Variants in TTC7B observed in about 807,000 individuals in gnomAD.
TTC7B encodes tetratricopeptide repeat protein 7B.
Under a neutral mutation model 106.8 loss-of-function variants are expected in TTC7B, and 28 were observed. The ratio of observed to expected loss-of-function variants is 0.26; its 90% CI spans 0.19 to 0.36. TTC7B has a LOEUF of 0.36. Ranked by LOEUF, TTC7B falls within the 10% of genes least tolerant of loss-of-function variation. The pLI, the probability that TTC7B is intolerant of heterozygous loss-of-function variation, is 1.00. For synonymous variants in TTC7B, 405 were observed against 430.6 expected (o/e 0.94, Z 0.74); for missense variants, 862 against 1,076.4 (o/e 0.80, Z 2.79).
At chr14:90,713,139 G>A (rs1005503337) in intron 5 of TTC7B, among the ~76,000 whole-genome samples, 6 of 151,558 alleles carry the variant, frequency 4.0e-5, no homozygotes, top group South Asian at 2.1e-4. Flanking sequence ...TTTTTGAGAC[G>A]GAGACTCATT....
Position 90,808,333 on chromosome 14 carries a change from C to A in TTC7B, c.121+7842G>T, listed in dbSNP as rs2030718657. On this transcript the variant is annotated intron_variant, in intron 1 of 19. Coordinates refer to ENST00000328459, the MANE Select transcript of TTC7B (RefSeq NM_001010854.2). This position sits in a 1 kb window ranked among gnomAD's most constrained non-coding sequence, Gnocchi z 4.2. ...AAGACAGAGAGAGACCCAAGAAATG[C>A]AGTTCATTCTTCTTCCCTGCTAGCA... Among the ~76,000 whole-genome samples the A allele has an allele frequency of 6.6e-6, 1 of 152,192 alleles. No individual in the cohort carries two copies. Among genetic ancestry groups the A allele is most frequent in the South Asian group, 2.1e-4 (1 of 4,830 alleles).
intron 17 of TTC7B, among the ~76,000 whole-genome samples, chr14:90,602,625 C>T (rs1338283578): frequency 1.3e-5 from 2 of 151,672 alleles, no homozygotes; most frequent in African/African-American, 4.9e-5. Context: ...CACTTGAGCC[C>T]TGGGGTTCCA....
chr14:90,608,229 G>A lies in TTC7B; in HGVS notation c.1966+2513C>T, dbSNP rs929133744. Among the ~76,000 whole-genome samples the A allele has an allele frequency of 7.2e-5, 11 of 152,174 alleles. No homozygotes were observed. Among genetic ancestry groups the A allele is most frequent in the Non-Finnish European group, 1.5e-4 (10 of 68,030 alleles). ...ATTTTTAGGCAAGCCTTCCCAACGT[G>A]TAAGTTTCTTTGATTGACACTGTCA... On this transcript the variant is annotated intron_variant, in intron 17 of 19. Transcript: ENST00000328459. This position sits in a 1 kb window ranked among gnomAD's most constrained non-coding sequence, Gnocchi z 5.1.
In TTC7B at chr14:90,608,811, T is replaced by C. The variant is rs757665304; in HGVS notation, c.1966+1931A>G. Among the ~76,000 whole-genome samples the C allele has an allele frequency of 1.3e-5, 2 of 152,336 alleles. No individual in the cohort carries two copies. The highest frequency in any genetic ancestry group is 6.5e-5 in the Admixed American group (1 of 15,300). On this transcript the variant is annotated intron_variant, in intron 17 of 19. Transcript: ENST00000328459. The surrounding 1 kb of genome is among the most constrained non-coding windows in gnomAD (Gnocchi z 5.1). ...TCATTTATTTTCTGACACTACCTGT[T>C]CTCAATGTGATGTGGCTTTAAAGTC...
intron 15 of TTC7B, among the ~76,000 whole-genome samples, chr14:90,636,399 G>C: frequency 1.3e-5 from 1 of 76,914 alleles, no homozygotes; most frequent in East Asian, 3.8e-4. Flanking sequence ...TTAAAATATA[G>C]AAAGGAAAAA....
chr14:90,553,216 C>T (rs1890162184), intron 19 of TTC7B, among the ~76,000 whole-genome samples: 1 of 152,230 alleles, frequency 6.6e-6, no homozygotes, highest in Non-Finnish European at 1.5e-5. Context: ...CCCGGAACAG[C>T]TGATGGCGGC....
intron 15 of TTC7B, among the ~76,000 whole-genome samples, chr14:90,625,661 C>T (rs1488465701): frequency 6.6e-6 from 1 of 152,202 alleles, no homozygotes; most frequent in Non-Finnish European, 1.5e-5. Flanking sequence ...CACCCCGAGG[C>T]CCCTCTGGCA....
At chr14:90,721,112 C>A (rs1330217227) in intron 5 of TTC7B, among the ~76,000 whole-genome samples, 1 of 152,128 alleles carries the variant, frequency 6.6e-6, no homozygotes, top group Non-Finnish European at 1.5e-5. Context: ...GTAAACCATG[C>A]AGGGAGGGGC....
rs1256800387 is a variant in TTC7B at position 90,570,148 on chromosome 14, G to C, written c.2310+7958C>G. Among the ~76,000 whole-genome samples, 1 of 152,182 alleles carries C rather than the reference G, an allele frequency of 6.6e-6. No individual in the cohort carries two copies. The highest frequency in any genetic ancestry group is 2.4e-5 in the African/African-American group (1 of 41,438). On this transcript the variant is annotated intron_variant, in intron 19 of 19. Transcript: ENST00000328459. This position sits in a 1 kb window ranked among gnomAD's most constrained non-coding sequence, Gnocchi z 4.0. ...CGGCTGTACCCAGCACACTGAGTGA[G>C]AGCCCCACTTACAGCCTAGCAGGGC... is the stretch of plus-strand genomic sequence containing the variant.
chr14:90,625,335 C>A (rs564607420), intron 15 of TTC7B, among the ~76,000 whole-genome samples: 1 of 152,184 alleles, frequency 6.6e-6, no homozygotes, highest in East Asian at 1.9e-4. Flanking sequence ...TCGAATCCAT[C>A]GACCCAGGCC....
At chr14:90,605,057 A>G (rs1316956366) in intron 17 of TTC7B, among the ~76,000 whole-genome samples, 1 of 152,154 alleles carries the variant, frequency 6.6e-6, no homozygotes, top group Non-Finnish European at 1.5e-5. Context: ...GCCCCACCTC[A>G]GGCCTAATGA....
chr14:90,782,767 G>A (rs944083031), intron 2 of TTC7B, among the ~76,000 whole-genome samples: 4 of 152,172 alleles, frequency 2.6e-5, no homozygotes, highest in Non-Finnish European at 5.9e-5. Flanking sequence ...GAGGGGGAAT[G>A]AGGAGTTAGC....
chr14:90,784,825 C>T (rs972483116), intron 2 of TTC7B, among the ~76,000 whole-genome samples: 5 of 152,240 alleles, frequency 3.3e-5, no homozygotes, highest in Admixed American at 1.3e-4. Flanking sequence ...GTTGAGATGA[C>T]GCTCTCCAGC....
At chr14:90,545,165 G>A (rs552141297) in intron 19 of TTC7B, among the ~76,000 whole-genome samples, 18 of 152,260 alleles carry the variant, frequency 1.2e-4, no homozygotes, top group Non-Finnish European at 2.4e-4. Context: ...TGGTCCTAAA[G>A]TGGCCCATGC....
chr14:90,656,571 G>T (rs942763985), intron 11 of TTC7B, among the ~76,000 whole-genome samples: 2 of 152,176 alleles, frequency 1.3e-5, no homozygotes, highest in African/African-American at 2.4e-5. Flanking sequence ...GTGACTCCTT[G>T]CTCTGTAGAA....
rs917184119 is a variant in TTC7B at position 90,786,407 on chromosome 14, A to G, written c.122-79T>C. On this transcript the variant is annotated intron_variant, in intron 1 of 19. Transcript: ENST00000328459. ...ACCCCCTCACTCAAGGGACCCCAGA[A>G]CCACCACCCTCCGAGGCTCCAGGCC... 1.0e-5 allele frequency: 16 copies of G among 1,563,382 alleles called. No individual in the cohort carries two copies. The Admixed American group carries it at 2.4e-4, about 24-fold the overall frequency.
At chr14:90,590,508 G>A (rs180859257) in intron 18 of TTC7B, among the ~76,000 whole-genome samples, 2 of 152,324 alleles carry the variant, frequency 1.3e-5, no homozygotes, top group East Asian at 3.9e-4. Flanking sequence ...TTGGGTGTCA[G>A]GCCTTGATCT....
In TTC7B at chr14:90,689,606, A is replaced by G. The variant is rs775562889; in HGVS notation, c.884T>C (p.Leu295Pro). Residue 295 changes from leucine to proline, a missense_variant, in exon 7 of 20, where the codon CTC (leucine) becomes CCC (proline). Coordinates refer to ENST00000328459, the MANE Select transcript of TTC7B (RefSeq NM_001010854.2). ...PPCQSPLDDP[L>P]RKGANTKTYT... ...GGTTTTTGTGTTTGCTCCTTTGCGG[A>G]GAGGATCGTCCAGAGGTGACTGGCA... 3.5e-5 allele frequency: 57 copies of G among 1,613,988 alleles called. No individual in the cohort carries two copies. Among genetic ancestry groups the G allele is most frequent in the Non-Finnish European group, 4.7e-5 (55 of 1,180,000 alleles).
At chr14:90,592,788 G>T (rs969442974) in intron 18 of TTC7B, among the ~76,000 whole-genome samples, 1 of 151,938 alleles carries the variant, frequency 6.6e-6, no homozygotes, top group African/African-American at 2.4e-5. Context: ...CCAGCAGAGT[G>T]CCCTGGGAAC....
Sources: allele counts gnomAD v4.1 joint callset (sites outside exome capture counted in the v4.1 genomes callset), GRCh38; gene constraint gnomAD v4.1.1; non-coding constraint Gnocchi (gnomAD v3.1); transcripts MANE v1.5; gene names NCBI Gene and HGNC (gene_info 2026-07-23, HGNC 2026-07-21).